The following BMPER variants were observed in gnomAD, a reference collection of about 807,000 sequenced individuals.
BMPER encodes BMP-binding endothelial regulator protein.
In BMPER, 45 loss-of-function variants were observed where a neutral mutation model predicts 87.3. The observed-to-expected ratio is 0.52, with a 90% CI of 0.41 to 0.66. BMPER has a LOEUF of 0.66. BMPER is among the 30% of genes least tolerant of loss of function. The pLI is 0.00. For synonymous variants in BMPER, 326 were observed against 316.2 expected (o/e 1.03, Z -0.33); for missense variants, 784 against 867.5 (o/e 0.90, Z 1.21).
intron 13 of BMPER, among the ~76,000 whole-genome samples, chr7:34,119,879 T>C (rs1182951190): frequency 6.6e-6 from 1 of 151,824 alleles, no homozygotes; most frequent in Non-Finnish European, 1.5e-5. Context: ...AAAGTAAAGA[T>C]GTGAAAAAAT....
At chr7:33,906,440 A>G (rs1783818226) in intron 1 of BMPER, among the ~76,000 whole-genome samples, 2 of 146,516 alleles carry the variant, frequency 1.4e-5, no homozygotes, top group African/African-American at 5.0e-5. Context: ...ATCTGCCCCA[A>G]TTTGAGGGTT....
At chr7:34,029,460 C>T (rs1053106811) in intron 6 of BMPER, among the ~76,000 whole-genome samples, 12 of 152,056 alleles carry the variant, frequency 7.9e-5, no homozygotes, top group African/African-American at 2.9e-4. Flanking sequence ...CTAGCTCTTG[C>T]TGCTCCCAGC....
At chr7:33,943,136 G>A (rs941345570) in intron 3 of BMPER, among the ~76,000 whole-genome samples, 4 of 152,104 alleles carry the variant, frequency 2.6e-5, no homozygotes, top group Non-Finnish European at 4.4e-5. Context: ...AAAGGAGAAA[G>A]AAGTTCTTTT....
chr7:34,113,862 T>C (rs1477427990), intron 13 of BMPER, among the ~76,000 whole-genome samples: 2 of 152,186 alleles, frequency 1.3e-5, no homozygotes, highest in South Asian at 2.1e-4. Context: ...AAGTTCCTTC[T>C]TGTCTACTGC....
chr7:34,073,004 T>C (rs1788776242), intron 11 of BMPER, among the ~76,000 whole-genome samples: 1 of 152,220 alleles, frequency 6.6e-6, no homozygotes. Context: ...CATTCATTAA[T>C]TATTCAGTTA....
intron 14 of BMPER, among the ~76,000 whole-genome samples, chr7:34,147,549 T>A (rs1791061787): frequency 6.6e-6 from 1 of 152,126 alleles, no homozygotes; most frequent in Admixed American, 6.5e-5. Context: ...CGGCTCACTA[T>A]AACCTCCAAC....
At chr7:33,924,426 G>A (rs995213330) in intron 2 of BMPER, among the ~76,000 whole-genome samples, 10 of 152,122 alleles carry the variant, frequency 6.6e-5, no homozygotes, top group African/African-American at 2.4e-4. Flanking sequence ...GGCCCTGCGC[G>A]CTGCGGCTCC....
intron 13 of BMPER, among the ~76,000 whole-genome samples, chr7:34,099,319 A>G (rs891744479): frequency 1.3e-5 from 2 of 152,226 alleles, no homozygotes; most frequent in African/African-American, 4.8e-5. Context: ...TCTTGCTGGC[A>G]AGCCATCCTC....
At chr7:33,957,924 A>C (rs188407907) in intron 3 of BMPER, among the ~76,000 whole-genome samples, 1 of 152,326 alleles carries the variant, frequency 6.6e-6, no homozygotes, top group Admixed American at 6.5e-5. Context: ...TGCATTAGTG[A>C]CACAGATGGT....
At chr7:34,056,430 T>G (rs1168498695) in intron 9 of BMPER, among the ~76,000 whole-genome samples, 1 of 151,822 alleles carries the variant, frequency 6.6e-6, no homozygotes, top group Non-Finnish European at 1.5e-5. Flanking sequence ...AGAAAACAAC[T>G]GAGGACAAAA....
At chr7:34,013,266 C>A (rs1209489318) in intron 6 of BMPER, among the ~76,000 whole-genome samples, 1 of 151,678 alleles carries the variant, frequency 6.6e-6, no homozygotes, top group Admixed American at 6.6e-5. Flanking sequence ...TTGGGAATTA[C>A]ATTTGGAACC....
At chr7:34,034,745 G>C (rs78829804) in intron 6 of BMPER, among the ~76,000 whole-genome samples, 3,230 of 152,292 alleles carry the variant, frequency 0.021, 119 homozygotes, top group African/African-American at 0.073. Flanking sequence ...TCCTCTAGGA[G>C]AATACAGGCA....
At chr7:34,093,874 T>C (rs530160157) in intron 13 of BMPER, among the ~76,000 whole-genome samples, 1 of 152,308 alleles carries the variant, frequency 6.6e-6, no homozygotes, top group African/African-American at 2.4e-5. Context: ...CAGAATGGTG[T>C]AACTTAATTA....
rs1275112697 is a variant in BMPER, at chr7:33,970,403, C to T, written c.477C>T (p.Cys159=). The change falls in exon 5 of 15, where the codon TGC becomes TGT. Residue 159 remains cysteine, a synonymous_variant. Coordinates refer to ENST00000649409, the MANE Select transcript of BMPER (RefSeq NM_001365308.1). The stretch of plus-strand genomic sequence containing the variant: ...ACCCTTTGGAGCATCTGGGAATGTG[C>T]TGCCCCACATGTCCAGGTAACGTTC... ...CKNPLEHLGM[C]CPTCPGCVFE... The T allele has an allele frequency of 2.4e-5, 38 of 1,614,090 alleles. No homozygotes were observed. The highest frequency in any genetic ancestry group is 3.2e-5 in the Non-Finnish European group (38 of 1,179,918).
At chr7:34,093,431 T>C (rs187603165) in intron 13 of BMPER, among the ~76,000 whole-genome samples, 11 of 152,318 alleles carry the variant, frequency 7.2e-5, no homozygotes, top group Admixed American at 3.9e-4. Context: ...GGAAATGTTA[T>C]TGCATAGCCC....
chr7:33,931,878 A>T (rs1784488569), intron 2 of BMPER, among the ~76,000 whole-genome samples: 1 of 152,196 alleles, frequency 6.6e-6, no homozygotes, highest in South Asian at 2.1e-4. Context: ...AGCAATGGTG[A>T]TGGCTTTTGA....
At chr7:33,956,817 C>G (rs969340460) in intron 3 of BMPER, among the ~76,000 whole-genome samples, 1 of 152,112 alleles carries the variant, frequency 6.6e-6, no homozygotes, top group Non-Finnish European at 1.5e-5. Context: ...TGTTAATCAA[C>G]TATGTTATTG....
intron 6 of BMPER, among the ~76,000 whole-genome samples, chr7:34,040,622 T>C (rs1257985137): frequency 7.2e-5 from 11 of 152,144 alleles, no homozygotes; most frequent in Non-Finnish European, 1.3e-4. Flanking sequence ...TTTTAAAGCA[T>C]GGAAATGGCC....
chr7:34,065,224 C>CTCTCTCTCTCTG (rs2127966940), intron 11 of BMPER, among the ~76,000 whole-genome samples: 1 of 150,030 alleles, frequency 6.7e-6, no homozygotes, highest in African/African-American at 2.5e-5. Context: ...CTCTCTCTCT[C>CTCTCTCTCTCTG]TCTCTCTCTC....
Sources: allele counts gnomAD v4.1 joint callset (sites outside exome capture counted in the v4.1 genomes callset), GRCh38; gene constraint gnomAD v4.1.1; transcripts MANE v1.5; gene names NCBI Gene and HGNC (gene_info 2026-07-23, HGNC 2026-07-21).